RUNX1T1: variants seen among roughly 807,000 people sequenced by gnomAD.
RUNX1T1 encodes RUNX1 partner transcriptional co-repressor 1.
RUNX1T1 carries 4 observed loss-of-function variants against 62.8 expected under a neutral mutation model. The observed-to-expected ratio is 0.06, with a 90% CI of 0.03 to 0.15. The LOEUF is 0.15. Ranked by LOEUF, RUNX1T1 falls within the 10% of genes least tolerant of loss-of-function variation. The pLI is 1.00. For synonymous variants in RUNX1T1, 291 were observed against 286.0 expected (o/e 1.02, Z -0.18); for missense variants, 508 against 754.3 (o/e 0.67, Z 3.82).
At chr8:92,072,791 A>G (rs1401620527) in intron 2 of RUNX1T1, among the ~76,000 whole-genome samples, 1 of 152,236 alleles carries the variant, frequency 6.6e-6, no homozygotes, top group African/African-American at 2.4e-5. Flanking sequence ...AAATAAGAGC[A>G]GATACTCTCT....
chr8:92,065,492 G>T (rs1354391957), upstream of RUNX1T1, among the ~76,000 whole-genome samples: 1 of 152,190 alleles, frequency 6.6e-6, no homozygotes, highest in African/African-American at 2.4e-5. Context: ...TTTTTAGAGA[G>T]AGTCATCTAA....
intron 1 of RUNX1T1, among the ~76,000 whole-genome samples, chr8:92,047,736 C>CT (rs1829627205): frequency 1.3e-5 from 2 of 150,320 alleles, no homozygotes; most frequent in Non-Finnish European, 1.5e-5. Flanking sequence ...AAACACTGTA[C>CT]TAGGCACTAT....
At chr8:92,044,843 T>C (rs545243279) in intron 1 of RUNX1T1, among the ~76,000 whole-genome samples, 2 of 152,300 alleles carry the variant, frequency 1.3e-5, no homozygotes, top group Admixed American at 1.3e-4. Flanking sequence ...TTAACCACTA[T>C]ATTACCCTCC....
intron 4 of RUNX1T1, chr8:92,006,720 G>A (rs1175118796): frequency 6.9e-6 from 1 of 144,888 alleles, no homozygotes; most frequent in East Asian, 2.0e-4. Flanking sequence ...GTGGAGGTTT[G>A]TTACATAAGT....
intron 6 of RUNX1T1, among the ~76,000 whole-genome samples, chr8:91,988,136 C>T: frequency 6.6e-6 from 1 of 151,972 alleles, no homozygotes; most frequent in Non-Finnish European, 1.5e-5. Context: ...TTATAAATCC[C>T]TTTTTTTAGC....
intron 10 of RUNX1T1, among the ~76,000 whole-genome samples, chr8:91,968,895 T>C (rs1812197976): frequency 6.6e-6 from 1 of 152,156 alleles, no homozygotes; most frequent in Non-Finnish European, 1.5e-5. Flanking sequence ...TTGAAGCTTT[T>C]ACAGGTTCAG....
upstream of RUNX1T1, among the ~76,000 whole-genome samples, chr8:92,100,668 C>CA (rs1837993083): frequency 6.6e-6 from 1 of 152,096 alleles, no homozygotes; most frequent in African/African-American, 2.4e-5. Context: ...GTGAGATTGT[C>CA]AGACTTCTCT....
intron 5 of RUNX1T1, among the ~76,000 whole-genome samples, chr8:91,995,556 G>C (rs935632721): frequency 6.6e-6 from 1 of 152,196 alleles, no homozygotes; most frequent in Non-Finnish European, 1.5e-5. Context: ...GGAAGGCTCA[G>C]GAGGAAGGAC....
At position 92,088,014 on chromosome 8, in the gene RUNX1T1, T is replaced by C. The variant is rs75847351; in HGVS notation, c.-86+11566A>G. On this transcript the variant is annotated intron_variant, in intron 1 of 11. Coordinates refer to the RUNX1T1 transcript ENST00000265814. Reference sequence around the variant, plus strand: ...AGGATGAGAATTCATTGTCCACATTTGTTTCTCATCAGAGGTCAAATGCGG... The same window carrying C: ...AGGATGAGAATTCATTGTCCACATTCGTTTCTCATCAGAGGTCAAATGCGG... Among the ~76,000 whole-genome samples, 511 of 152,324 alleles carry C rather than the reference T, an allele frequency of 3.4e-3. 1 individual carries two copies. The highest frequency in any genetic ancestry group is 4.9e-3 in the Non-Finnish European group (330 of 68,028).
chr8:92,092,843 T>C (rs957913129), intron 1 of RUNX1T1, among the ~76,000 whole-genome samples: 5 of 152,280 alleles, frequency 3.3e-5, no homozygotes, highest in Middle Eastern at 3.4e-3. Context: ...ATTGTCAGAA[T>C]AGAAAATTTT....
intron 1 of RUNX1T1, among the ~76,000 whole-genome samples, chr8:92,038,046 C>CTTTATTTATTTATTTATTTATTTATTTA (rs58091057): frequency 1.9e-4 from 28 of 149,984 alleles, no homozygotes; most frequent in African/African-American, 6.7e-4. Flanking sequence ...CAAAATTCTT[C>CTTTATTTATTTATTTATTTATTTATTTA]TTTATTTATT....
At chr8:92,021,714 G>A (rs1437892511) in intron 1 of RUNX1T1, among the ~76,000 whole-genome samples, 1 of 151,998 alleles carries the variant, frequency 6.6e-6, no homozygotes, top group African/African-American at 2.4e-5. Flanking sequence ...AATTGAATGA[G>A]ATTGCACGTT....
intron 1 of RUNX1T1, among the ~76,000 whole-genome samples, chr8:92,048,625 A>G (rs4236792): frequency 3.3e-5 from 5 of 152,158 alleles, no homozygotes; most frequent in African/African-American, 1.2e-4. Context: ...AGACAGAACC[A>G]TATATTTGAC....
intron 2 of RUNX1T1, among the ~76,000 whole-genome samples, chr8:92,074,054 T>C (rs1024972027): frequency 1.3e-5 from 2 of 152,102 alleles, no homozygotes; most frequent in Admixed American, 6.5e-5. Context: ...AGTTACAAAA[T>C]AGGTCAATAC....
rs572599078 is a variant in RUNX1T1 at position 92,029,816 on chromosome 8, T to TA, written c.8-12454dup. On this transcript the variant is annotated intron_variant, in intron 1 of 10. Transcript: ENST00000396218. ...AACCAAATGTTTCACTCATTTTTTT[T>TA]AAAAAAAGCATTCATTCAAAAATAT... Among the ~76,000 whole-genome samples, 363 of 152,092 alleles carry TA rather than the reference T, an allele frequency of 2.4e-3. 3 individuals are homozygous for TA. Among genetic ancestry groups the TA allele is most frequent in the African/African-American group, 6.0e-3 (249 of 41,502 alleles).
chr8:91,990,753 G>A (rs1817512493), intron 6 of RUNX1T1, among the ~76,000 whole-genome samples: 1 of 151,800 alleles, frequency 6.6e-6, no homozygotes, highest in African/African-American at 2.4e-5. Flanking sequence ...TGCTTCCTGG[G>A]CTCAAGCGAT....
At chr8:91,968,046 C>T (rs551252857) in intron 10 of RUNX1T1, among the ~76,000 whole-genome samples, 2 of 152,214 alleles carry the variant, frequency 1.3e-5, no homozygotes, top group East Asian at 3.9e-4. Flanking sequence ...CGTCCCATTC[C>T]TTAAGAAGAA....
chr8:91,969,055 C>G (rs1452639730), intron 10 of RUNX1T1, among the ~76,000 whole-genome samples: 1 of 150,582 alleles, frequency 6.6e-6, no homozygotes. Flanking sequence ...TATTAAAGAT[C>G]AGTTCCCCCA....
At chr8:92,086,893 A>G (rs1200741418) in intron 1 of RUNX1T1, among the ~76,000 whole-genome samples, 3 of 152,208 alleles carry the variant, frequency 2.0e-5, no homozygotes, top group Non-Finnish European at 4.4e-5. Context: ...CCTAAACTGC[A>G]GCAACAAGCT....
Sources: gnomAD v4.1 joint callset for allele counts (sites outside exome capture counted in the v4.1 genomes callset) on GRCh38, gnomAD v4.1.1 for gene constraint, MANE v1.5 for transcripts, NCBI Gene and HGNC (gene_info 2026-07-23, HGNC 2026-07-21) for gene names.